The following NBAS variants were observed in gnomAD, a reference collection of about 807,000 sequenced individuals.
NBAS encodes NBAS subunit of NRZ tethering complex.
Under a neutral mutation model 302.5 loss-of-function variants are expected in NBAS, and 219 were observed. The ratio of observed to expected loss-of-function variants is 0.72; its 90% CI spans 0.65 to 0.81. The LOEUF (loss-of-function observed/expected upper bound fraction) is 0.81. NBAS is among the 30% of genes least tolerant of loss of function. The pLI, the probability that NBAS is intolerant of heterozygous loss-of-function variation, is 0.00. For missense variants in NBAS, 2,932 were observed against 2,841.6 expected (o/e 1.03, Z -0.72); for synonymous variants, 1,118 against 1,021.6 (o/e 1.09, Z -1.80).
At chr2:15,190,441 G>C (rs779209202) in intron 48 of NBAS, 38 bp from the exon 49 acceptor site, 39 of 1,612,136 alleles carry the variant, frequency 2.4e-5, no homozygotes, top group Non-Finnish European at 3.2e-5. Flanking sequence ...TGGTGGCAAA[G>C]GCTACTGAAT....
the NBAS span, among the ~76,000 whole-genome samples, chr2:14,870,043 A>G: frequency 2.0e-5 from 3 of 152,250 alleles, no homozygotes; most frequent in Non-Finnish European, 2.9e-5. Flanking sequence ...CAAAATATTT[A>G]AAATGATGGT....
chr2:15,362,168 G>A (rs1057294523), intron 32 of NBAS, among the ~76,000 whole-genome samples: 3 of 150,138 alleles, frequency 2.0e-5, no homozygotes, highest in Non-Finnish European at 3.0e-5. Context: ...GGCAAGTATT[G>A]GCCCAATCTA....
chr2:15,225,408 G>A (rs1667112740), intron 47 of NBAS, among the ~76,000 whole-genome samples: 1 of 152,162 alleles, frequency 6.6e-6, no homozygotes. Flanking sequence ...CTCATGCACT[G>A]CAGGTGCTCA....
At chr2:14,838,508 T>G in the NBAS span, among the ~76,000 whole-genome samples, 1 of 152,044 alleles carries the variant, frequency 6.6e-6, no homozygotes, top group Admixed American at 6.6e-5. Flanking sequence ...TATTTCAAAG[T>G]CTTTTTCTGA....
chr2:15,038,000 C>T, the NBAS span, among the ~76,000 whole-genome samples: 1 of 150,904 alleles, frequency 6.6e-6, no homozygotes, highest in South Asian at 2.1e-4. Flanking sequence ...ATACACTTCA[C>T]AAAATACAAG....
chr2:15,316,845 C>G (rs1238954539), intron 38 of NBAS, among the ~76,000 whole-genome samples: 1 of 152,184 alleles, frequency 6.6e-6, no homozygotes, highest in Admixed American at 6.5e-5. Flanking sequence ...CTTCAACATC[C>G]CTGTCTGACA....
At chr2:15,151,370 C>A in the NBAS span, among the ~76,000 whole-genome samples, 1,977 of 152,340 alleles carry the variant, frequency 0.013, 22 homozygotes, top group Non-Finnish European at 0.019. Flanking sequence ...ACAAACCCAT[C>A]TAAATGGGCA....
intron 40 of NBAS, among the ~76,000 whole-genome samples, chr2:15,302,520 GGGAA>G (rs954521030): frequency 4.6e-5 from 7 of 152,198 alleles, no homozygotes; most frequent in African/African-American, 1.2e-4. Context: ...CACCCAGAAA[GGGAA>G]TGGTGGTGGG....
Position 15,292,613 on chromosome 2 carries a change from G to A in NBAS, c.4951C>T (p.Leu1651Phe), listed in dbSNP as rs1208951787. ...DFTQAQILQG[L>F]RKGVDVQRFT... is the part of the protein sequence containing the mutation. ...CGCTGCACGTCCACACCCTTCCGAA[G>A]GCCCTGAAGGATCTGCGCCTGAGTG... Residue 1651 changes from leucine (L) to phenylalanine (F), a missense_variant, in exon 41 of 52, where the codon CTT (leucine) becomes TTT (phenylalanine). Physicochemically the swap from Leu to Phe is conservative, Grantham distance 22. Coordinates refer to ENST00000281513, the MANE Select transcript of NBAS (RefSeq NM_015909.4). 1.2e-6 allele frequency: 2 copies of A among 1,614,138 alleles called. No homozygotes were observed. Among genetic ancestry groups the A allele is most frequent in the East Asian group, 4.5e-5 (2 of 44,870 alleles).
At chr2:15,202,597 T>A (rs1665933787) in intron 48 of NBAS, among the ~76,000 whole-genome samples, 1 of 152,180 alleles carries the variant, frequency 6.6e-6, no homozygotes, top group Admixed American at 6.5e-5. Flanking sequence ...TGGAGTGCAA[T>A]GGCACGATCT....
chr2:15,003,183 G>C, the NBAS span, among the ~76,000 whole-genome samples: 2 of 152,232 alleles, frequency 1.3e-5, no homozygotes, highest in Admixed American at 1.3e-4. Flanking sequence ...GGCTTTTGGG[G>C]ATGCAGCATT....
intron 44 of NBAS, 31 bp from the exon 45 acceptor site, chr2:15,238,717 C>T (rs1258441519): frequency 6.3e-7 from 1 of 1,582,764 alleles, no homozygotes; most frequent in African/African-American, 1.4e-5. Flanking sequence ...GACCAAAGAA[C>T]CCTGCATTAT....
chr2:15,058,644 G>GATA, the NBAS span, among the ~76,000 whole-genome samples: 3 of 152,156 alleles, frequency 2.0e-5, no homozygotes, highest in Admixed American at 2.0e-4. Context: ...GTGGGGGAAA[G>GATA]ATAACATCCT....
rs925846977 is a variant in NBAS at position 15,500,849 on chromosome 2, G to A, written c.954+3296C>T. ...TGAGGCAGGAGAATGGCGTGAACCC[G>A]GGAGGCGGAGCTTGCAATGAGCCTA... On this transcript the variant is annotated intron_variant, in intron 11 of 51. Transcript: ENST00000281513. Among the ~76,000 whole-genome samples, 4 of 151,608 alleles carry A rather than the reference G, an allele frequency of 2.6e-5. No individual in the cohort carries two copies. The East Asian group carries it at 5.8e-4, about 22-fold the overall frequency.
the NBAS span, among the ~76,000 whole-genome samples, chr2:14,856,164 G>C: frequency 6.6e-6 from 1 of 152,198 alleles, no homozygotes; most frequent in African/African-American, 2.4e-5. Context: ...TCGTAATCCA[G>C]AGAATTCTCC....
chr2:15,238,040 G>T (rs1386479677), intron 45 of NBAS, among the ~76,000 whole-genome samples: 1 of 152,106 alleles, frequency 6.6e-6, no homozygotes, highest in African/African-American at 2.4e-5. Context: ...CTCCCTAAGT[G>T]CTGGGATTAC....
chr2:15,449,347 C>T (rs1261131698), intron 21 of NBAS, among the ~76,000 whole-genome samples: 2 of 152,106 alleles, frequency 1.3e-5, no homozygotes, highest in African/African-American at 4.8e-5. Flanking sequence ...GCTATGTGAA[C>T]TATATGTGAA....
At chr2:14,846,030 A>G in the NBAS span, among the ~76,000 whole-genome samples, 264 of 152,324 alleles carry the variant, frequency 1.7e-3, no homozygotes, top group African/African-American at 6.1e-3. Flanking sequence ...ACCTAGAGAA[A>G]GATATCAATA....
chr2:15,110,967 C>T, the NBAS span, among the ~76,000 whole-genome samples: 1 of 151,984 alleles, frequency 6.6e-6, no homozygotes, highest in Non-Finnish European at 1.5e-5. Context: ...ATTAATAATG[C>T]CAGTATTACT....
Sources: allele counts gnomAD v4.1 joint callset (sites outside exome capture counted in the v4.1 genomes callset), GRCh38; gene constraint gnomAD v4.1.1; transcripts MANE v1.5; gene names NCBI Gene and HGNC (gene_info 2026-07-23, HGNC 2026-07-21).